The following BRAF variants were observed in gnomAD, a reference collection of about 807,000 sequenced individuals.
The protein encoded by BRAF is serine/threonine-protein kinase B-raf.
Under a neutral mutation model 104.6 loss-of-function variants are expected in BRAF, and 16 were observed. The observed-to-expected ratio is 0.15, with a 90% CI of 0.10 to 0.23. The LOEUF (loss-of-function observed/expected upper bound fraction) is 0.23. Ranked by LOEUF, BRAF falls within the 10% of genes least tolerant of loss-of-function variation. The pLI, the probability that BRAF is intolerant of heterozygous loss-of-function variation, is 1.00. For synonymous variants in BRAF, 310 were observed against 341.6 expected (o/e 0.91, Z 1.02); for missense variants, 541 against 937.3 (o/e 0.58, Z 5.52).
chr7:140,723,906 A>G lies in BRAF; in HGVS notation c.*2588T>C. 5 of 1,045,084 alleles carry G rather than the reference A, an allele frequency of 4.8e-6. No homozygotes were observed. The highest frequency in any genetic ancestry group is 5.8e-6 in the Non-Finnish European group (5 of 866,518). The allele number at this position is 1,045,084 out of a possible 1,614,324, so 64.7% of individuals were successfully genotyped here. On this transcript the variant is annotated 3_prime_UTR_variant, in exon 20 of 20. Coordinates refer to ENST00000644969, the MANE Select transcript of BRAF (RefSeq NM_001374258.1). ...ACTGTTGTCTAAGCATCAAAAAATAAAGCAGATAAAACACAAATAAAACCT... is the reference window on the plus strand; with the variant it reads ...ACTGTTGTCTAAGCATCAAAAAATAGAGCAGATAAAACACAAATAAAACCT...
intron 1 of BRAF, among the ~76,000 whole-genome samples, chr7:140,880,832 T>C (rs1371678395): frequency 2.7e-5 from 4 of 148,186 alleles, no homozygotes; most frequent in African/African-American, 9.9e-5. Context: ...TAGCTGGGCA[T>C]GGTGGTGCAT....
chr7:140,770,068 A>C (rs1436575244), intron 14 of BRAF, among the ~76,000 whole-genome samples: 2 of 152,204 alleles, frequency 1.3e-5, no homozygotes, highest in Non-Finnish European at 2.9e-5. Flanking sequence ...TGAACATTTG[A>C]TCTTATCAGA....
chr7:140,858,419 T>G (rs1179116546), intron 1 of BRAF, among the ~76,000 whole-genome samples: 2 of 152,342 alleles, frequency 1.3e-5, no homozygotes, highest in South Asian at 2.1e-4. Context: ...TCTAAGACAT[T>G]TTTCTTCTCT....
intron 14 of BRAF, among the ~76,000 whole-genome samples, chr7:140,754,970 T>C (rs1015436323): frequency 6.6e-6 from 1 of 152,208 alleles, no homozygotes; most frequent in African/African-American, 2.4e-5. Flanking sequence ...ATGTTACCCC[T>C]AAAAACTGCT....
chr7:140,739,747 A>T, intron 18 of BRAF, 65 bp downstream of exon 17: 1 of 1,594,536 alleles, frequency 6.3e-7, no homozygotes, highest in Non-Finnish European at 8.6e-7. Flanking sequence ...TGCCCAAAAA[A>T]GTGCTCAGAA....
At chr7:140,807,113 A>C (rs1056260222) in intron 5 of BRAF, among the ~76,000 whole-genome samples, 1 of 152,168 alleles carries the variant, frequency 6.6e-6, no homozygotes, top group African/African-American at 2.4e-5. Flanking sequence ...TCTAAGGTGG[A>C]AAGGTCCCAC....
intron 3 of BRAF, among the ~76,000 whole-genome samples, chr7:140,813,589 T>TATACA (rs1165680145): frequency 6.6e-6 from 1 of 152,156 alleles, no homozygotes; most frequent in Admixed American, 6.5e-5. Context: ...ACTGACTGTA[T>TATACA]ATCAAAAGTC....
chr7:140,761,484 C>T (rs1024378037), intron 14 of BRAF, among the ~76,000 whole-genome samples: 12 of 151,516 alleles, frequency 7.9e-5, no homozygotes, highest in African/African-American at 1.7e-4. Flanking sequence ...CATCAACTAA[C>T]GAGCAAAATA....
At chr7:140,858,414 G>A (rs1409022969) in intron 1 of BRAF, among the ~76,000 whole-genome samples, 1 of 152,182 alleles carries the variant, frequency 6.6e-6, no homozygotes, top group Non-Finnish European at 1.5e-5. Flanking sequence ...CATTCTCTAA[G>A]ACATTTTTCT....
chr7:140,720,442 C>T lies in BRAF; in HGVS notation c.*6052G>A, dbSNP rs1049102352. Reference sequence around the variant, plus strand: ...ATAAGACATAAAGGCTAGCCACTTACGTTGGTCATTAACATGAATAAAAAG... The same window carrying T: ...ATAAGACATAAAGGCTAGCCACTTATGTTGGTCATTAACATGAATAAAAAG... On this transcript the variant is annotated 3_prime_UTR_variant, in exon 20 of 20. Transcript: ENST00000644969. The T allele has an allele frequency of 3.7e-5, 39 of 1,062,412 alleles. No homozygotes were observed. The highest frequency in any genetic ancestry group is 3.9e-5 in the Non-Finnish European group (34 of 877,690). The allele number at this position is 1,062,412 out of a possible 1,614,324, so 65.8% of individuals were successfully genotyped here. A position where few individuals can be genotyped will look rare whatever the true frequency, so the allele number is the denominator to read the frequency against.
intron 3 of BRAF, among the ~76,000 whole-genome samples, chr7:140,819,576 C>G (rs144467276): frequency 6.6e-6 from 1 of 152,182 alleles, no homozygotes; most frequent in Non-Finnish European, 1.5e-5. Context: ...AAAGTAGAAA[C>G]GACACAGATG....
chr7:140,869,582 G>A lies in BRAF; in HGVS notation c.139-19370C>T, dbSNP rs528381296. On this transcript the variant is annotated intron_variant, in intron 1 of 19. Coordinates refer to ENST00000644969, the MANE Select transcript of BRAF (RefSeq NM_001374258.1). ...TGGGAGACAGAGGTTGCGGTGAGCC[G>A]AAATCACGCCACTGCACTCCAGTCT... Among the ~76,000 whole-genome samples the A allele has an allele frequency of 1.2e-4, 18 of 149,808 alleles. No homozygotes were observed. In the South Asian group the frequency reaches 1.5e-3, roughly 12 times the overall value.
chr7:140,742,933 A>T (rs1476889134), intron 17 of BRAF, among the ~76,000 whole-genome samples: 1 of 152,102 alleles, frequency 6.6e-6, no homozygotes, highest in Non-Finnish European at 1.5e-5. Flanking sequence ...GACACTTCTC[A>T]AAAGAAGACA....
downstream of BRAF, among the ~76,000 whole-genome samples, chr7:140,715,474 TA>T (rs763242105): frequency 3.0e-4 from 45 of 152,250 alleles, no homozygotes; most frequent in South Asian, 6.2e-4. Flanking sequence ...CCAATATCAA[TA>T]AAAGTTTTTT....
Position 140,783,091 on chromosome 7 carries a change from G to C in BRAF, c.1364C>G (p.Ala455Gly). 1.9e-6 allele frequency: 3 copies of C among 1,614,060 alleles called. No homozygotes were observed. Among genetic ancestry groups the C allele is most frequent in the Non-Finnish European group, 2.5e-6 (3 of 1,179,984 alleles). ...SLPGSLTNVK[A>G]LQKSPGPQRE... is the part of the protein sequence containing the mutation. Reference sequence around the variant, plus strand: ...CTGAGGTCCTGGAGATTTCTGTAAGGCTTTCACGTTAGTTAGTGAGCCAGG... The same window carrying C: ...CTGAGGTCCTGGAGATTTCTGTAAGCCTTTCACGTTAGTTAGTGAGCCAGG... Residue 455 changes from alanine to glycine, a missense_variant, in exon 11 of 20, where the codon GCC becomes GGC. Physicochemically the swap from Ala to Gly is moderately conservative, Grantham distance 60 (BLOSUM62 0). Transcript: ENST00000644969.
At chr7:140,844,209 G>A (rs1381097380) in intron 2 of BRAF, among the ~76,000 whole-genome samples, 1 of 151,452 alleles carries the variant, frequency 6.6e-6, no homozygotes, top group Non-Finnish European at 1.5e-5. Context: ...CCCTTCTATA[G>A]ACGTAACTTG....
At chr7:140,882,023 G>A (rs371979817) in intron 1 of BRAF, among the ~76,000 whole-genome samples, 1 of 152,296 alleles carries the variant, frequency 6.6e-6, no homozygotes, top group Non-Finnish European at 1.5e-5. Flanking sequence ...AGCATGTGCT[G>A]TTGGAAAAAT....
chr7:140,794,728 T>A lies in BRAF; in HGVS notation c.981-261A>T, dbSNP rs534433693. 1.1e-4 allele frequency among the ~76,000 whole-genome samples: 16 copies of A among 152,276 alleles called. No homozygotes were observed. In the South Asian group the frequency reaches 1.5e-3, roughly 14 times the overall value. ...CCTGGAAAACACTAGGGAAATTTAC[T>A]TATGGCTAGAAATTACCTGTGGCCA... On this transcript the variant is annotated intron_variant, in intron 7 of 19. Transcript: ENST00000644969.
chr7:140,807,128 C>G (rs553934004), intron 5 of BRAF, among the ~76,000 whole-genome samples: 1 of 152,098 alleles, frequency 6.6e-6, no homozygotes, highest in East Asian at 1.9e-4. Context: ...TCCCACATTC[C>G]GGGCCTTATG....
Sources: allele counts gnomAD v4.1 joint callset (sites outside exome capture counted in the v4.1 genomes callset), GRCh38; gene constraint gnomAD v4.1.1; transcripts MANE v1.5; gene names NCBI Gene and HGNC (gene_info 2026-07-23, HGNC 2026-07-21).